Variants in CT45A1 observed in about 807,000 individuals in gnomAD.
CT45A1 encodes cancer/testis antigen family 45 member A1, also known as cancer/testis antigen 45-1.
At chrX:135,712,982 C>CTTTCTTTCTTTTCTTTCTCCTTCCTTCCT (rs1556570114), upstream of CT45A1, among the ~76,000 whole-genome samples, 2 of 7,485 alleles carry the variant, frequency 2.7e-4, no homozygotes, top group African/African-American at 1.1e-3. Context: ...TCTTTTCTTT[C>CTTTCTTTCTTTTCTTTCTCCTTCCTTCCT]TCCTTCCTTC....
upstream of CT45A1, among the ~76,000 whole-genome samples, chrX:135,712,457 G>A (rs1315484143): frequency 9.2e-6 from 1 of 108,946 alleles, no homozygotes; most frequent in Non-Finnish European, 1.9e-5. Context: ...CCACCACACT[G>A]TGGCCCTCAT....
intron 1 of CT45A1, among the ~76,000 whole-genome samples, chrX:135,714,950 A>T (rs1336334879): frequency 9.6e-6 from 1 of 104,044 alleles, no homozygotes; most frequent in Non-Finnish European, 2.0e-5. Flanking sequence ...TTTGTATTTT[A>T]AAAATGGATT....
chrX:135,715,723 A>G (rs2087983735), intron 1 of CT45A1, among the ~76,000 whole-genome samples: 1 of 103,206 alleles, frequency 9.7e-6, no homozygotes, highest in Non-Finnish European at 1.9e-5. Context: ...TATATAAAAT[A>G]CTTTAAGTTC....
chrX:135,713,775 G>A (rs1257742897), intron 1 of CT45A1, 85 bp downstream of exon 1: 3 of 637,115 alleles, frequency 4.7e-6, no homozygotes, highest in Non-Finnish European at 5.6e-6. Flanking sequence ...TCCTCAGAAA[G>A]AGTCTTTTCT....
intron 1 of CT45A1, among the ~76,000 whole-genome samples, chrX:135,716,153 G>C (rs782184785): frequency 9.0e-6 from 1 of 111,512 alleles, no homozygotes; most frequent in South Asian, 3.8e-4. Context: ...GTGTGCATGT[G>C]TCTTTATAGA....
At chrX:135,717,140 A>T (rs1448470028) in intron 1 of CT45A1, among the ~76,000 whole-genome samples, 2 of 112,464 alleles carry the variant, frequency 1.8e-5, no homozygotes, top group African/African-American at 6.5e-5. Context: ...TACTTAAAAA[A>T]TGATCTGCTT....
intron 1 of CT45A1, among the ~76,000 whole-genome samples, chrX:135,718,151 T>C (rs782763215): frequency 8.9e-5 from 10 of 112,137 alleles, no homozygotes; most frequent in South Asian, 7.4e-4. Context: ...AATGATCATG[T>C]GGTGTTTCCC....
At chrX:135,716,251 G>T (rs782112843) in intron 1 of CT45A1, among the ~76,000 whole-genome samples, 1 of 111,435 alleles carries the variant, frequency 9.0e-6, no homozygotes, top group African/African-American at 3.3e-5. Flanking sequence ...TTGAGGAATC[G>T]CCACACTGTC....
At chrX:135,714,036 C>T (rs1164356693) in intron 1 of CT45A1, among the ~76,000 whole-genome samples, 3 of 107,273 alleles carry the variant, frequency 2.8e-5, no homozygotes, top group South Asian at 9.0e-4. Flanking sequence ...GCCTCGGGTG[C>T]GGTGCTGTTT....
intron 1 of CT45A1, among the ~76,000 whole-genome samples, chrX:135,716,159 A>G (rs1198490311): frequency 1.4e-4 from 16 of 111,572 alleles, no homozygotes; most frequent in African/African-American, 4.6e-4. Flanking sequence ...ATGTGTCTTT[A>G]TAGAAGAATG....
the CT45A1 span, among the ~76,000 whole-genome samples, chrX:135,708,599 C>T: frequency 4.5e-5 from 5 of 110,882 alleles, no homozygotes; most frequent in Non-Finnish European, 1.9e-5. Flanking sequence ...CAGGGTTTCA[C>T]TAACTTGTCA....
Position 135,713,640 on chromosome X carries a change from C to T in CT45A1, c.-57C>T. 1 of 749,498 alleles carries T rather than the reference C, an allele frequency of 1.3e-6. No individual in the cohort carries two copies. The highest frequency in any genetic ancestry group is 1.6e-6 in the Non-Finnish European group (1 of 635,598). 61.8% of individuals were successfully genotyped at this position (749,498 alleles called of 1,213,427 possible). A position where few individuals can be genotyped will look rare whatever the true frequency, so the allele number is the denominator to read the frequency against. On this transcript the variant is annotated 5_prime_UTR_variant, in exon 1 of 5. Coordinates refer to ENST00000594565, the MANE Select transcript of CT45A1 (RefSeq NM_001017417.3). ...AGAAAGTGCCACCAGTGGGGAGGCG[C>T]CACAACTTCACTGCCATTTTGTGAG... is the stretch of plus-strand genomic sequence containing the variant.
At chrX:135,718,544 A>G (rs2088011600) in intron 1 of CT45A1, among the ~76,000 whole-genome samples, 1 of 110,611 alleles carries the variant, frequency 9.0e-6, no homozygotes, top group Admixed American at 9.8e-5. Flanking sequence ...TGTATAATAT[A>G]TAGTTTAAAA....
intron 1 of CT45A1, among the ~76,000 whole-genome samples, chrX:135,715,558 A>G (rs1390358497): frequency 1.1e-5 from 1 of 88,727 alleles, no homozygotes; most frequent in Non-Finnish European, 2.1e-5. Flanking sequence ...ACTTATATGT[A>G]TATAATACTT....
upstream of CT45A1, among the ~76,000 whole-genome samples, chrX:135,711,392 C>T (rs2087932496): frequency 9.0e-6 from 1 of 111,462 alleles, no homozygotes; most frequent in Admixed American, 9.5e-5. Context: ...GAAAATGACT[C>T]TCTTCTGACA....
chrX:135,716,317 C>T lies in CT45A1; in HGVS notation c.-6-2618C>T, dbSNP rs2087988574. 1.8e-5 allele frequency among the ~76,000 whole-genome samples: 2 copies of T among 111,470 alleles called. 1 individual carries two copies. Among genetic ancestry groups the T allele is most frequent in the African/African-American group, 6.5e-5 (2 of 30,671 alleles). On this transcript the variant is annotated intron_variant, in intron 1 of 4. Transcript: ENST00000594565. ...TGATGATAATATTCTAAGTTTTCTT[C>T]TAGATCTCCCAATCATCAGAAATAA...
chrX:135,710,977 T>C (rs1183986865), upstream of CT45A1, among the ~76,000 whole-genome samples: 7 of 112,052 alleles, frequency 6.2e-5, no homozygotes, highest in Admixed American at 4.7e-4. Context: ...TGGATATGCC[T>C]CCTCCAAGAA....
At chrX:135,715,772 G>T (rs1556571406) in intron 1 of CT45A1, among the ~76,000 whole-genome samples, 1 of 105,947 alleles carries the variant, frequency 9.4e-6, no homozygotes, top group African/African-American at 3.4e-5. Context: ...TGTTACATAG[G>T]TAGACACATG....
chrX:135,713,011 C>CTCTCTCTTTCTT (rs782125133), upstream of CT45A1, among the ~76,000 whole-genome samples: 23 of 60,400 alleles, frequency 3.8e-4, no homozygotes, highest in African/African-American at 1.0e-3. Flanking sequence ...CTCTCTCTCT[C>CTCTCTCTTTCTT]TCTTTCTTTC....
Sources: allele counts gnomAD v4.1 joint callset (sites outside exome capture counted in the v4.1 genomes callset), GRCh38; gene constraint gnomAD v4.1.1; transcripts MANE v1.5; gene names NCBI Gene and HGNC (gene_info 2026-07-23, HGNC 2026-07-21).